Variants in SURF6 observed in about 807,000 individuals in gnomAD.
The protein encoded by SURF6 is surfeit locus protein 6.
Under a neutral mutation model 37.5 loss-of-function variants are expected in SURF6, and 28 were observed. The ratio of observed to expected loss-of-function variants is 0.75; its 90% CI spans 0.55 to 1.02. The LOEUF (loss-of-function observed/expected upper bound fraction) is 1.02. SURF6 is among the 50% of genes least tolerant of loss of function. SURF6 has a pLI of 0.00. For synonymous variants in SURF6, 248 were observed against 210.9 expected (o/e 1.18, Z -1.52); for missense variants, 560 against 490.5 (o/e 1.14, Z -1.34).
At position 133,332,670 on chromosome 9, in the gene SURF6, G is replaced by C. The variant is rs2129920438; in HGVS notation, c.484C>G (p.Leu162Val). The C allele has an allele frequency of 5.6e-6, 9 of 1,612,012 alleles. No homozygotes were observed. The African/African-American group carries it at 1.1e-4, about 19-fold the overall frequency. The change falls in exon 4 of 5, where the codon CTG becomes GTG. Residue 162 changes from leucine (L) to valine (V), a missense_variant. Leu to Val is a conservative substitution (Grantham distance 32). Coordinates refer to ENST00000372022, the MANE Select transcript of SURF6 (RefSeq NM_006753.6). ...RDRKKRKRKELRAKEKARKAE... is the reference protein window; with the variant it reads ...RDRKKRKRKEVRAKEKARKAE... The stretch of plus-strand genomic sequence containing the variant: ...TTCCTGGCCTTCTCTTTCGCCCGCA[G>C]CTCCTTTCGCTTCCTCTTCTTCCGG...
In SURF6 at chr9:133,329,275, C is replaced by T. The variant is rs2119036186; in HGVS notation, c.*2594G>A. The T allele has an allele frequency of 6.3e-6, 1 of 157,960 alleles. No homozygotes were observed. The highest frequency in any genetic ancestry group is 1.7e-4 in the South Asian group (1 of 6,054). The allele number at this position is 157,960 out of a possible 1,614,324, so 9.8% of individuals were successfully genotyped here. A position where few individuals can be genotyped will look rare whatever the true frequency, so the allele number is the denominator to read the frequency against. Reference sequence around the variant, plus strand: ...ACATGAAGGCGGACTAGGAGCGTGACCACTGAAGCACAGCATCACAGGGAG... The same window carrying T: ...ACATGAAGGCGGACTAGGAGCGTGATCACTGAAGCACAGCATCACAGGGAG... On this transcript the variant is annotated 3_prime_UTR_variant, in exon 5 of 5. Transcript: ENST00000372022.
intron 4 of SURF6, 47 bp downstream of exon 4, chr9:133,332,501 A>C: frequency 1.3e-6 from 2 of 1,590,208 alleles, no homozygotes; most frequent in Non-Finnish European, 1.7e-6. Context: ...GGCAACGCTG[A>C]GGCCTGAAGC....
Position 133,332,338 on chromosome 9 carries a change from C to A in SURF6, c.617G>T (p.Ser206Ile), listed in dbSNP as rs2129917838. 2 of 1,578,766 alleles carry A rather than the reference C, an allele frequency of 1.3e-6. No homozygotes were observed. The highest frequency in any genetic ancestry group is 1.7e-6 in the Non-Finnish European group (2 of 1,164,730). ...PGLIFNKVEVSEDEPASKAQR... is the reference protein window; with the variant it reads ...PGLIFNKVEVIEDEPASKAQR... ...CGCCTTGCTGGCCGGCTCGTCTTCG[C>A]TCACCTCCACCTGGGAGGAAGGTAT... The change falls in exon 5 of 5, where the codon AGC becomes ATC. Residue 206 changes from serine (S) to isoleucine (I), a missense_variant. Coordinates refer to ENST00000372022, the MANE Select transcript of SURF6 (RefSeq NM_006753.6).
In SURF6 at chr9:133,332,066, C is replaced by T; in HGVS notation, c.889G>A (p.Glu297Lys). 1 of 1,606,608 alleles carries T rather than the reference C, an allele frequency of 6.2e-7. No homozygotes were observed. ...RLLQEALKRKEKRRAQRQRRW... is the reference protein window; with the variant it reads ...RLLQEALKRKKKRRAQRQRRW... Reference sequence around the variant, plus strand: ...CGCTGCCGCTGCGCCCTGCGCTTCTCCTTGCGCTTCAGGGCCTCCTGCAGC... The same window carrying T: ...CGCTGCCGCTGCGCCCTGCGCTTCTTCTTGCGCTTCAGGGCCTCCTGCAGC... The change falls in exon 5 of 5, where the codon GAG (glutamate) becomes AAG (lysine). Residue 297 changes from glutamate (E) to lysine (K), a missense_variant. By Grantham distance (56) the Glu-to-Lys change is moderately conservative. Transcript: ENST00000372022.
At chr9:133,335,746 G>A (rs1038187325) in intron 1 of SURF6, among the ~76,000 whole-genome samples, 27 of 152,018 alleles carry the variant, frequency 1.8e-4, no homozygotes, top group African/African-American at 6.5e-4. Flanking sequence ...CGTGGTGGCG[G>A]GCGCCTGTAG....
rs782630603 is a variant in SURF6 at position 133,330,615 on chromosome 9, T to C, written c.*1254A>G. 6.6e-6 allele frequency: 1 copy of C among 152,114 alleles called. No homozygotes were observed. Among genetic ancestry groups the C allele is most frequent in the Non-Finnish European group, 1.5e-5 (1 of 68,030 alleles). The allele number at this position is 152,114 out of a possible 1,614,324, so 9.4% of individuals were successfully genotyped here. ...TAGCCATTCGGAATTCTTTAACTCA[T>C]AGGTAATTTATAAGTGTGTTTTAAA... is the stretch of plus-strand genomic sequence containing the variant. On this transcript the variant is annotated 3_prime_UTR_variant, in exon 5 of 5. Coordinates refer to ENST00000372022, the MANE Select transcript of SURF6 (RefSeq NM_006753.6).
chr9:133,334,676 C>T (rs191159316), intron 1 of SURF6, 75 bp from the exon 2 acceptor site: 2 of 1,541,250 alleles, frequency 1.3e-6, no homozygotes, highest in East Asian at 4.5e-5. Flanking sequence ...CTCACCAAGG[C>T]TTTGATCCCA....
At chr9:133,333,574 C>T (rs940401133) in intron 3 of SURF6, 144 bp downstream of exon 3, 4 of 685,642 alleles carry the variant, frequency 5.8e-6, no homozygotes, top group Admixed American at 2.6e-5. Flanking sequence ...AAGAAAATAA[C>T]TGCTCTCCCA....
At chr9:133,333,074 A>G (rs2129922383) in intron 3 of SURF6, 8 of 405,012 alleles carry the variant, frequency 2.0e-5, no homozygotes, top group African/African-American at 1.4e-4. Flanking sequence ...CACTGCCTAG[A>G]ACTTGGAGTT....
chr9:133,334,710 G>C, intron 1 of SURF6, 109 bp from the exon 2 acceptor site: 1 of 1,329,564 alleles, frequency 7.5e-7, no homozygotes, highest in South Asian at 1.4e-5. Flanking sequence ...AGAGGATCAG[G>C]ATCGGGGGCC....
Position 133,332,700 on chromosome 9 carries a change from G to C in SURF6, c.454C>G (p.Arg152Gly), listed in dbSNP as rs2129920727. ...TTTCGCTTCCTCTTCTTCCGGTCCC[G>C]TTCCTGCTTTCTCCGCCGCCTTTTC... ...LEKRRRRKQE[R>G]DRKKRKRKEL... Residue 152 changes from arginine to glycine, a missense_variant, in exon 4 of 5, where the codon CGG becomes GGG. Arg to Gly is a moderately radical substitution (Grantham distance 125). Transcript: ENST00000372022. 6.2e-7 allele frequency: 1 copy of C among 1,612,000 alleles called. No individual in the cohort carries two copies. The highest frequency in any genetic ancestry group is 1.3e-5 in the African/African-American group (1 of 74,888).
At position 133,333,385 on chromosome 9, in the gene SURF6, CAA is replaced by C. The variant is rs1564333705; in HGVS notation, c.393+331_393+332del. Among the ~76,000 whole-genome samples the C allele has an allele frequency of 7.2e-5, 11 of 152,282 alleles. No homozygotes were observed. The South Asian group carries it at 2.3e-3, about 32-fold the overall frequency. On this transcript the variant is annotated intron_variant, in intron 3 of 4. Coordinates refer to ENST00000372022, the MANE Select transcript of SURF6 (RefSeq NM_006753.6). ...ACAGGGGAGACAGTACCATTCAGCA[CAA>C]AGAGCTGCATTGGTGCTTCCTGTGC...
At chr9:133,334,697 G>C in intron 1 of SURF6, 96 bp from the exon 2 acceptor site, 3 of 1,439,746 alleles carry the variant, frequency 2.1e-6, no homozygotes, top group Non-Finnish European at 2.8e-6. Context: ...GGAAGATGCC[G>C]AAAGAGGATC....
Position 133,331,948 on chromosome 9 carries a change from C to T in SURF6, c.1007G>A (p.Arg336His), listed in dbSNP as rs2129913012. The change falls in exon 5 of 5, where the codon CGC (arginine) becomes CAC (histidine). Residue 336 changes from arginine to histidine, a missense_variant. Arg to His is a conservative substitution (Grantham distance 29, BLOSUM62 0). Transcript: ENST00000372022. ...GGCTCTGAGCAGGCGGCGCTCGGCG[C>T]GGGCCGCCTTCTTCCTGCGCAGGTT... ...RQNLRRKKAA[R>H]AERRLLRARK... 18 of 1,591,414 alleles carry T rather than the reference C, an allele frequency of 1.1e-5. No homozygotes were observed. The highest frequency in any genetic ancestry group is 9.0e-5 in the East Asian group (4 of 44,588).
chr9:133,332,721 T>C lies in SURF6; in HGVS notation c.433A>G (p.Arg145Gly). The change falls in exon 4 of 5, where the codon AGG becomes GGG. Residue 145 changes from arginine to glycine, a missense_variant. Physicochemically the swap from Arg to Gly is moderately radical, Grantham distance 125. Coordinates refer to ENST00000372022, the MANE Select transcript of SURF6 (RefSeq NM_006753.6). ...KELSPAALEKRRRRKQERDRK... is the reference protein window; with the variant it reads ...KELSPAALEKGRRRKQERDRK... ...TCCCGTTCCTGCTTTCTCCGCCGCC[T>C]TTTCTCCAAGGCGGCAGGGGACAGC... 6.2e-7 allele frequency: 1 copy of C among 1,611,576 alleles called. No individual in the cohort carries two copies. The highest frequency in any genetic ancestry group is 2.2e-5 in the East Asian group (1 of 44,872).
Position 133,330,738 on chromosome 9 carries a change from C to CATTGGGATACGGTCAGATAACGACACTG in SURF6, c.*1103_*1130dup, listed in dbSNP as rs1835704649. On this transcript the variant is annotated 3_prime_UTR_variant, in exon 5 of 5. Transcript: ENST00000372022. The stretch of plus-strand genomic sequence containing the variant: ...AAATAGCTCAAATTTTTTTTAATGA[C>CATTGGGATACGGTCAGATAACGACACTG]ATTGGGATACGGTCAGATAACGACA... The CATTGGGATACGGTCAGATAACGACACTG allele has an allele frequency of 1.3e-5, 2 of 151,998 alleles. No individual in the cohort carries two copies. Among genetic ancestry groups the CATTGGGATACGGTCAGATAACGACACTG allele is most frequent in the Non-Finnish European group, 2.9e-5 (2 of 68,000 alleles). 9.4% of individuals were successfully genotyped at this position (151,998 alleles called of 1,614,324 possible).
intron 1 of SURF6, among the ~76,000 whole-genome samples, chr9:133,335,149 G>A (rs893468693): frequency 6.6e-6 from 1 of 152,018 alleles, no homozygotes; most frequent in African/African-American, 2.4e-5. Context: ...TGGTAGAGAC[G>A]GGGTTTCACC....
rs2129932181 is a variant in SURF6 at position 133,335,680 on chromosome 9, G to A, written c.94+359C>T. On this transcript the variant is annotated intron_variant, in intron 1 of 4. Coordinates refer to ENST00000372022, the MANE Select transcript of SURF6 (RefSeq NM_006753.6). ...CTGAAAGGGTCTTTTCCCACTGACT[G>A]ACCATTACTCCTGTCTCTACTAAAA... Among the ~76,000 whole-genome samples, 60 of 148,220 alleles carry A rather than the reference G, an allele frequency of 4.0e-4. 1 individual carries two copies. The Admixed American group carries it at 4.1e-3, about 10-fold the overall frequency.
intron 3 of SURF6, among the ~76,000 whole-genome samples, chr9:133,333,455 T>C (rs1350220112): frequency 1.3e-5 from 2 of 152,180 alleles, no homozygotes; most frequent in Non-Finnish European, 2.9e-5. Flanking sequence ...ACAGGACTAT[T>C]ACGACATTCA....
Sources: allele counts gnomAD v4.1 joint callset (sites outside exome capture counted in the v4.1 genomes callset), GRCh38; gene constraint gnomAD v4.1.1; transcripts MANE v1.5; gene names NCBI Gene and HGNC (gene_info 2026-07-23, HGNC 2026-07-21).